PITX1: variants seen among roughly 807,000 people sequenced by gnomAD.
PITX1 encodes pituitary homeobox 1.
In PITX1, 5 loss-of-function variants were observed where a neutral mutation model predicts 24.1. The ratio of observed to expected loss-of-function variants is 0.21; its 90% CI spans 0.11 to 0.44. The LOEUF (loss-of-function observed/expected upper bound fraction) is 0.44, where lower values mean the gene tolerates loss of function less well. PITX1 is among the 20% of genes least tolerant of loss of function. PITX1 has a pLI of 0.99. For synonymous variants in PITX1, 213 were observed against 208.9 expected, an observed-to-expected ratio of 1.02 and a Z score of -0.17; for missense variants, 401 against 455.4, an observed-to-expected ratio of 0.88 and a Z score of 1.09.
rs1131614 is a variant in PITX1 at position 135,028,725 on chromosome 5, G to A, written c.*54C>T. ...GGCCCCGCGTGCGTCCTCCGCGCCC[G>A]CGCCCGCGCCCTTCCCCGCTCCGGC... On this transcript the variant is annotated 3_prime_UTR_variant, in exon 3 of 3. Transcript: ENST00000265340. 0.068 allele frequency: 86,812 copies of A among 1,281,232 alleles called. 3,882 individuals carry two copies. Among genetic ancestry groups the A allele is most frequent in the South Asian group, 0.21 (9,264 of 43,966 alleles). The allele number at this position is 1,281,232 out of a possible 1,614,324, so 79.4% of individuals were successfully genotyped here. A position where few individuals can be genotyped will look rare whatever the true frequency, so the allele number is the denominator to read the frequency against.
rs1191160259 is a variant in PITX1, at chr5:135,028,667, C to A, written c.*112G>T. 4.4e-6 allele frequency: 3 copies of A among 689,564 alleles called. 1 individual carries two copies. The highest frequency in any genetic ancestry group is 5.9e-6 in the Non-Finnish European group (3 of 509,564). The allele number at this position is 689,564 out of a possible 1,614,324, so 42.7% of individuals were successfully genotyped here. ...GGAGGGGGCTGCGCAGGTGTGAGGT[C>A]CGCGGCGCGGTGAGCTGGGGCTTGC... On this transcript the variant is annotated 3_prime_UTR_variant, in exon 3 of 3. Coordinates refer to ENST00000265340, the MANE Select transcript of PITX1 (RefSeq NM_002653.5).
rs202189745 is a variant in PITX1, at chr5:135,029,091, C to T, written c.633G>A (p.Gln211=). 6.2e-6 allele frequency: 10 copies of T among 1,614,114 alleles called. No individual in the cohort carries two copies. The Admixed American group carries it at 1.3e-4, about 22-fold the overall frequency. Residue 211 remains glutamine, a synonymous_variant, in exon 3 of 3, where the codon CAG becomes CAA. Transcript: ENST00000265340. ...TGGAGCTGGGTGCTGAGAACATGGACTGCGACGACAGCGGGCTCATGGAGT... is the reference window on the plus strand; with the variant it reads ...TGGAGCTGGGTGCTGAGAACATGGATTGCGACGACAGCGGGCTCATGGAGT... ...FFNSMSPLSS[Q]SMFSAPSSIS... is the part of the protein sequence containing the mutation.
Position 135,033,908 on chromosome 5 carries a change from C to G in PITX1, c.-27G>C. 1 of 1,346,102 alleles carries G rather than the reference C, an allele frequency of 7.4e-7. No homozygotes were observed. The allele number at this position is 1,346,102 out of a possible 1,614,324, so 83.4% of individuals were successfully genotyped here. The stretch of plus-strand genomic sequence containing the variant: ...GAGGTGGGGACCGCGGCGGGCGCTC[C>G]AGGGGCCGGGGCTGGGCGCGCCCCG... On this transcript the variant is annotated 5_prime_UTR_variant, in exon 1 of 3. Transcript: ENST00000265340. The surrounding 1 kb of genome is among the most constrained non-coding windows in gnomAD (Gnocchi z 5.9).
In PITX1 at chr5:135,028,688, CT is replaced by C; in HGVS notation, c.*90del. On this transcript the variant is annotated 3_prime_UTR_variant, in exon 3 of 3. Transcript: ENST00000265340. Reference sequence around the variant, plus strand: ...AGGTCCGCGGCGCGGTGAGCTGGGGCTTGCGAGCCGGGGCCCCGCGTGCGTC... The same window carrying C: ...AGGTCCGCGGCGCGGTGAGCTGGGGCTGCGAGCCGGGGCCCCGCGTGCGTC... The C allele has an allele frequency of 1.1e-6, 1 of 900,838 alleles. No homozygotes were observed. Among genetic ancestry groups the C allele is most frequent in the Non-Finnish European group, 1.4e-6 (1 of 693,296 alleles). 55.8% of individuals were successfully genotyped at this position (900,838 alleles called of 1,614,324 possible).
intron 2 of PITX1, among the ~76,000 whole-genome samples, chr5:135,030,369 G>A (rs1752427568): frequency 6.6e-6 from 1 of 152,192 alleles, no homozygotes; most frequent in South Asian, 2.1e-4. Flanking sequence ...ATTACTGAGT[G>A]CTGTGTCTTC....
chr5:135,031,542 GGCTTACGCCCCGTT>G (rs747547313), intron 1 of PITX1, 34 bp from the exon 2 acceptor site: 11 of 1,553,110 alleles, frequency 7.1e-6, no homozygotes, highest in Non-Finnish European at 9.7e-6. Flanking sequence ...GGGTCACCTG[GGCTTACGCCCCGTT>G]GCACCCCGTC....
chr5:135,033,728 C>A lies in PITX1; in HGVS notation c.154G>T (p.Asp52Tyr). 1 of 1,596,504 alleles carries A rather than the reference C, an allele frequency of 6.3e-7. No individual in the cohort carries two copies. The highest frequency in any genetic ancestry group is 1.1e-5 in the South Asian group (1 of 90,502). The change falls in exon 1 of 3, where the codon GAC becomes TAC. Residue 52 changes from aspartate to tyrosine, a missense_variant. Physicochemically the swap from Asp to Tyr is radical, Grantham distance 160. Around this residue, in one of 3 missense-constraint regions of PITX1, gnomAD observed 136 missense variants for 133.3 expected, o/e 1.02. Coordinates refer to ENST00000265340, the MANE Select transcript of PITX1 (RefSeq NM_002653.5). This position sits in a 1 kb window ranked among gnomAD's most constrained non-coding sequence, Gnocchi z 5.9. Reference protein sequence around the residue: ...PLENSASESSDTELPEKERGG... With the variant: ...PLENSASESSYTELPEKERGG... ...CGGCGCTTACCTGGCAGCTCCGTGT[C>A]AGACGACTCGCTGGCGGAGTTCTCG...
chr5:135,031,809 G>T, intron 1 of PITX1: 1 of 525,222 alleles, frequency 1.9e-6, no homozygotes, highest in Non-Finnish European at 3.4e-6. Context: ...TGCTGCTGAT[G>T]TTCCCAGCAA....
intron 2 of PITX1, among the ~76,000 whole-genome samples, chr5:135,029,905 C>T (rs1328355377): frequency 6.6e-6 from 1 of 152,124 alleles, no homozygotes. Flanking sequence ...CATTTTTGAT[C>T]CTTTTGAATC....
Position 135,028,833 on chromosome 5 carries a change from G to A in PITX1, c.891C>T (p.Tyr297=), listed in dbSNP as rs1178354724. 3 of 1,613,040 alleles carry A rather than the reference G, an allele frequency of 1.9e-6. No individual in the cohort carries two copies. Among genetic ancestry groups the A allele is most frequent in the East Asian group, 2.2e-5 (1 of 44,866 alleles). The part of the protein sequence containing the change: ...LKSKQHSSFG[Y]GGLQGPASGL... ...CCGAGGCCGGGCCCTGCAGGCCGCC[G>A]TAGCCAAACGACGAGTGCTGTTTGG... The change falls in exon 3 of 3, where the codon TAC becomes TAT. Residue 297 remains tyrosine, a synonymous_variant. Coordinates refer to ENST00000265340, the MANE Select transcript of PITX1 (RefSeq NM_002653.5).
intron 1 of PITX1, among the ~76,000 whole-genome samples, chr5:135,032,306 A>G (rs1752468639): frequency 6.6e-6 from 1 of 152,218 alleles, no homozygotes; most frequent in Non-Finnish European, 1.5e-5. Flanking sequence ...ACCCCTAACT[A>G]AATACAGAGC....
rs1471557779 is a variant in PITX1, at chr5:135,033,661, TGCTCCGCGCCC to T, written c.169+41_169+51del. The T allele has an allele frequency of 6.4e-7, 1 of 1,568,256 alleles. No individual in the cohort carries two copies. The highest frequency in any genetic ancestry group is 1.4e-5 in the African/African-American group (1 of 73,734). ...GTCAGGCCCTGCTCCCAGCTCCCCG[TGCTCCGCGCCC>T]GGGTAGGCTCTGTGCGCGCCGCGCG... On this transcript the variant is annotated intron_variant, in intron 1 of 2. Transcript: ENST00000265340. The surrounding 1 kb of genome is among the most constrained non-coding windows in gnomAD (Gnocchi z 5.9).
chr5:135,032,696 A>G (rs890050726), intron 1 of PITX1: 11 of 188,620 alleles, frequency 5.8e-5, no homozygotes, highest in Non-Finnish European at 1.0e-4. Context: ...ATACGATTAT[A>G]TATCTCTCTA....
In PITX1 at chr5:135,028,742, C is replaced by T. The variant is rs746594563; in HGVS notation, c.*37G>A. The T allele has an allele frequency of 1.1e-5, 16 of 1,470,294 alleles. No individual in the cohort carries two copies. The highest frequency in any genetic ancestry group is 2.5e-5 in the East Asian group (1 of 39,416). The allele number at this position is 1,470,294 out of a possible 1,614,324, so 91.1% of individuals were successfully genotyped here. The stretch of plus-strand genomic sequence containing the variant: ...CCGCGCCCGCGCCCGCGCCCTTCCC[C>T]GCTCCGGCCGCCGGCCCGCGTGGTG... On this transcript the variant is annotated 3_prime_UTR_variant, in exon 3 of 3. Coordinates refer to ENST00000265340, the MANE Select transcript of PITX1 (RefSeq NM_002653.5).
chr5:135,032,541 T>C (rs769118274), intron 1 of PITX1, among the ~76,000 whole-genome samples: 6 of 152,240 alleles, frequency 3.9e-5, no homozygotes, highest in Non-Finnish European at 7.3e-5. Flanking sequence ...CCATTTTGGA[T>C]TGACTTTTTA....
Position 135,033,036 on chromosome 5 carries a change from A to G in PITX1, c.169+677T>C. On this transcript the variant is annotated intron_variant, in intron 1 of 2. Transcript: ENST00000265340. The surrounding 1 kb of genome is among the most constrained non-coding windows in gnomAD (Gnocchi z 5.9). ...GAAAAAAGCTCCAGCTCGGACAAAA[A>G]AAGGCAGCGCGGAGGGAGACGCGCA... 2 of 448,876 alleles carry G rather than the reference A, an allele frequency of 4.5e-6. No individual in the cohort carries two copies. Among genetic ancestry groups the G allele is most frequent in the Non-Finnish European group, 8.9e-6 (2 of 223,762 alleles). The allele number at this position is 448,876 out of a possible 1,614,324, so 27.8% of individuals were successfully genotyped here. A position where few individuals can be genotyped will look rare whatever the true frequency, so the allele number is the denominator to read the frequency against.
At chr5:135,031,184 T>C in intron 2 of PITX1, 92 bp downstream of exon 2, 1 of 936,244 alleles carries the variant, frequency 1.1e-6, no homozygotes, top group African/African-American at 1.6e-5. Context: ...AGAGTGAAGT[T>C]CTGCTTGTGG....
upstream of PITX1, chr5:135,034,326 G>A (rs1752529940): frequency 6.6e-6 from 1 of 151,590 alleles, no homozygotes; most frequent in Non-Finnish European, 1.5e-5. Flanking sequence ...GGGAGCGAGC[G>A]AGCGAGGGAG....
rs780883053 is a variant in PITX1, at chr5:135,028,864, A to C, written c.860T>G (p.Leu287Arg). The change falls in exon 3 of 3, where the codon CTC (leucine) becomes CGC (arginine). Residue 287 changes from leucine (L) to arginine (R), a missense_variant. Coordinates refer to ENST00000265340, the MANE Select transcript of PITX1 (RefSeq NM_002653.5). ...AAACGACGAGTGCTGTTTGGACTTG[A>C]GCCGCAGGCTGGCTAGGCTCGAGTT... ...TCNSSLASLR[L>R]KSKQHSSFGY... The C allele has an allele frequency of 6.2e-7, 1 of 1,613,718 alleles. No individual in the cohort carries two copies. The highest frequency in any genetic ancestry group is 2.2e-5 in the East Asian group (1 of 44,844).
Sources: gnomAD v4.1 joint callset for allele counts (sites outside exome capture counted in the v4.1 genomes callset) on GRCh38, gnomAD v4.1.1 for gene constraint, gnomAD v4.1.1 regional missense constraint, Gnocchi (gnomAD v3.1) non-coding constraint, MANE v1.5 for transcripts, NCBI Gene and HGNC (gene_info 2026-07-23, HGNC 2026-07-21) for gene names.